LMO3: variants seen among roughly 807,000 people sequenced by gnomAD.
LMO3 encodes the protein LIM domain only 3.
LMO3 carries 2 observed loss-of-function variants against 15.8 expected under a neutral mutation model. That is an observed-to-expected ratio of 0.13 (90% confidence interval 0.05 to 0.40). The LOEUF (loss-of-function observed/expected upper bound fraction) is 0.40, where lower values mean the gene tolerates loss of function less well. Ranked by LOEUF, LMO3 falls within the 10% of genes least tolerant of loss-of-function variation. The pLI, the probability that LMO3 is intolerant of heterozygous loss-of-function variation, is 0.99. For missense variants in LMO3, 86 were observed against 182.2 expected, an observed-to-expected ratio of 0.47 and a Z score of 3.04; for synonymous variants, 62 against 63.8, an observed-to-expected ratio of 0.97 and a Z score of 0.13.
rs778430378 is a variant in LMO3 at position 16,587,302 on chromosome 12, G to A, written c.206+13353C>T. Reference sequence around the variant, plus strand: ...GGATCCAATGCTAACAATTTGTTACGCACTGCAGTGTTACAGCTTTCTAAA... The same window carrying A: ...GGATCCAATGCTAACAATTTGTTACACACTGCAGTGTTACAGCTTTCTAAA... On this transcript the variant is annotated intron_variant, in intron 2 of 3. Transcript: ENST00000537304. This position sits in a 1 kb window ranked among gnomAD's most constrained non-coding sequence, Gnocchi z 4.3. Among the ~76,000 whole-genome samples, 12 of 152,068 alleles carry A rather than the reference G, an allele frequency of 7.9e-5. No homozygotes were observed. Among genetic ancestry groups the A allele is most frequent in the East Asian group, 1.9e-4 (1 of 5,184 alleles).
rs759292982 is a variant in LMO3, at chr12:16,559,210, G to A, written c.332+1203C>T. Among the ~76,000 whole-genome samples, 7 of 152,022 alleles carry A rather than the reference G, an allele frequency of 4.6e-5. No homozygotes were observed. The highest frequency in any genetic ancestry group is 1.0e-4 in the Non-Finnish European group (7 of 67,990). ...TCATTTTCATTAAAATCTATCAAGT[G>A]TTCTAATTTTTGAAATGTTGTATTT... is the stretch of plus-strand genomic sequence containing the variant. On this transcript the variant is annotated intron_variant, in intron 3 of 3. Transcript: ENST00000537304. The surrounding 1 kb of genome is among the most constrained non-coding windows in gnomAD (Gnocchi z 4.1).
chr12:16,557,734 T>A (rs755703543), intron 3 of LMO3, among the ~76,000 whole-genome samples: 1 of 152,096 alleles, frequency 6.6e-6, no homozygotes, highest in Non-Finnish European at 1.5e-5. Flanking sequence ...TAAATTATTT[T>A]ATTGAAGTTT....
rs1369107468 is a variant in LMO3, at chr12:16,600,793, C to T, written c.68G>A (p.Arg23Gln). 9 of 1,614,066 alleles carry T rather than the reference C, an allele frequency of 5.6e-6. No individual in the cohort carries two copies. Among genetic ancestry groups the T allele is most frequent in the Non-Finnish European group, 7.6e-6 (9 of 1,179,998 alleles). Residue 23 changes from arginine to glutamine, a missense_variant, in exon 2 of 4, where the codon CGG (arginine) becomes CAG (glutamine). Arg to Gln is a conservative substitution (Grantham distance 43). Transcript: ENST00000537304. ...TTTGTCCAGTGCCTTTAGAAGATACCGGTCCTTGATCTTTCGGTTGCAGCC... is the reference window on the plus strand; with the variant it reads ...TTTGTCCAGTGCCTTTAGAAGATACTGGTCCTTGATCTTTCGGTTGCAGCC... ...CAGCNRKIKDRYLLKALDKYW... is the reference protein window; with the variant it reads ...CAGCNRKIKDQYLLKALDKYW...
intron 2 of LMO3, among the ~76,000 whole-genome samples, chr12:16,574,667 G>A (rs1396070375): frequency 6.6e-6 from 1 of 152,132 alleles, no homozygotes; most frequent in Non-Finnish European, 1.5e-5. Context: ...TCTGTGCTCT[G>A]TTAACTGCAA....
At chr12:16,567,539 A>G (rs1942660339) in intron 2 of LMO3, 2 of 152,312 alleles carry the variant, frequency 1.3e-5, no homozygotes, top group Non-Finnish European at 2.9e-5. Flanking sequence ...CAAGTAGAGA[A>G]CTGCGGGGAG....
intron 2 of LMO3, among the ~76,000 whole-genome samples, chr12:16,565,954 CAATGGATG>C (rs1294712256): frequency 3.3e-5 from 4 of 119,714 alleles, no homozygotes; most frequent in Admixed American, 1.1e-4. Flanking sequence ...ACATGCCCAT[CAATGGATG>C]AATGGATGAA....
Position 16,551,218 on chromosome 12 carries a change from T to C in LMO3, c.*4A>G. The C allele has an allele frequency of 1.3e-6, 2 of 1,558,594 alleles. No homozygotes were observed. Among genetic ancestry groups the C allele is most frequent in the East Asian group, 2.2e-5 (1 of 44,594 alleles). On this transcript the variant is annotated 3_prime_UTR_variant, in exon 4 of 4. Coordinates refer to ENST00000537304, the MANE Select transcript of LMO3 (RefSeq NM_018640.5). ...TGTATTCTTAATGGGGTGATGTTGATAGATCAGCGAACCTGGGGTGCATAA... is the reference window on the plus strand; with the variant it reads ...TGTATTCTTAATGGGGTGATGTTGACAGATCAGCGAACCTGGGGTGCATAA...
chr12:16,566,276 A>C (rs1375533834), intron 2 of LMO3, among the ~76,000 whole-genome samples: 1 of 151,488 alleles, frequency 6.6e-6, no homozygotes, highest in Non-Finnish European at 1.5e-5. Context: ...AAGGGGAGAG[A>C]TTGGTCAATG....
At chr12:16,592,621 T>C (rs1053999792) in intron 2 of LMO3, among the ~76,000 whole-genome samples, 8 of 151,988 alleles carry the variant, frequency 5.3e-5, no homozygotes, top group Admixed American at 3.9e-4. Context: ...TCCACTCATG[T>C]TACCAACTTT....
At chr12:16,564,799 A>G (rs1489819862) in intron 2 of LMO3, among the ~76,000 whole-genome samples, 1 of 152,136 alleles carries the variant, frequency 6.6e-6, no homozygotes, top group Non-Finnish European at 1.5e-5. Context: ...TTTAGAAGTT[A>G]TTTTATTTTA....
chr12:16,604,575 A>G lies in LMO3; in HGVS notation c.-9+1491T>C, dbSNP rs1224961734. On this transcript the variant is annotated intron_variant, in intron 1 of 3. Transcript: ENST00000537304. The surrounding 1 kb of genome is among the most constrained non-coding windows in gnomAD (Gnocchi z 5.3). The stretch of plus-strand genomic sequence containing the variant: ...CTCACATGCAAAATAAAAAAAAAAA[A>G]TAAGAAACATACATACACTCTAACA... The G allele has an allele frequency of 2.6e-6, 1 of 379,648 alleles. No homozygotes were observed. The highest frequency in any genetic ancestry group is 4.2e-5 in the Admixed American group (1 of 23,772). 23.5% of individuals were successfully genotyped at this position (379,648 alleles called of 1,614,324 possible). A position where few individuals can be genotyped will look rare whatever the true frequency, so the allele number is the denominator to read the frequency against.
rs539888284 is a variant in LMO3, at chr12:16,555,100, A to G, written c.333-3773T>C. 6.6e-6 allele frequency among the ~76,000 whole-genome samples: 1 copy of G among 152,364 alleles called. No individual in the cohort carries two copies. Among genetic ancestry groups the G allele is most frequent in the East Asian group, 1.9e-4 (1 of 5,192 alleles). ...TATGGGATATTTTGAGTATTAAACG[A>G]ATGAGTACATGTAAAACACTCAGAA... On this transcript the variant is annotated intron_variant, in intron 3 of 3. Coordinates refer to ENST00000537304, the MANE Select transcript of LMO3 (RefSeq NM_018640.5). This position sits in a 1 kb window ranked among gnomAD's most constrained non-coding sequence, Gnocchi z 5.5.
At chr12:16,592,449 A>G (rs1196824715) in intron 2 of LMO3, among the ~76,000 whole-genome samples, 1 of 152,046 alleles carries the variant, frequency 6.6e-6, no homozygotes, top group Admixed American at 6.6e-5. Context: ...TTCACATGCA[A>G]TATTTATAGA....
chr12:16,588,384 A>C (rs1057054762), intron 2 of LMO3, among the ~76,000 whole-genome samples: 1 of 152,038 alleles, frequency 6.6e-6, no homozygotes, highest in South Asian at 2.1e-4. Context: ...ACCTGAGAAA[A>C]AGATGCAAAA....
At chr12:16,572,706 T>C (rs1942857736) in intron 2 of LMO3, among the ~76,000 whole-genome samples, 2 of 148,010 alleles carry the variant, frequency 1.4e-5, no homozygotes, top group African/African-American at 4.9e-5. Context: ...ATATATTATA[T>C]ATAATTTAAA....
Position 16,584,595 on chromosome 12 carries a change from A to G in LMO3, c.206+16060T>C, listed in dbSNP as rs115400109. 0.048 allele frequency among the ~76,000 whole-genome samples: 7,317 copies of G among 152,180 alleles called. 346 individuals are homozygous for G. Among genetic ancestry groups the G allele is most frequent in the African/African-American group, 0.12 (5,045 of 41,498 alleles). On this transcript the variant is annotated intron_variant, in intron 2 of 3. Coordinates refer to ENST00000537304, the MANE Select transcript of LMO3 (RefSeq NM_018640.5). The surrounding 1 kb of genome is among the most constrained non-coding windows in gnomAD (Gnocchi z 5.2). ...TGGCAAGTGGAGGAGTGGGGGGGGT[A>G]AGAGGCCTGTTTAGAGGTGGATGGC...
Position 16,598,341 on chromosome 12 carries a change from A to C in LMO3, c.206+2314T>G, listed in dbSNP as rs1464059309. On this transcript the variant is annotated intron_variant, in intron 2 of 3. Transcript: ENST00000537304. The surrounding 1 kb of genome is among the most constrained non-coding windows in gnomAD (Gnocchi z 4.3). ...CCAAATAAGTCACATTATATACAAC[A>C]AACTTTCAGTTTAAATAAGGGACAA... 1 of 152,104 alleles carries C rather than the reference A, an allele frequency of 6.6e-6. No homozygotes were observed. The highest frequency in any genetic ancestry group is 2.4e-5 in the African/African-American group (1 of 41,448). 9.4% of individuals were successfully genotyped at this position (152,104 alleles called of 1,614,324 possible). A position where few individuals can be genotyped will look rare whatever the true frequency, so the allele number is the denominator to read the frequency against.
chr12:16,552,439 G>C (rs1316890404), intron 3 of LMO3, among the ~76,000 whole-genome samples: 1 of 152,024 alleles, frequency 6.6e-6, no homozygotes, highest in Admixed American at 6.6e-5. Context: ...TTAATGTTTT[G>C]TGAAGTTGAA....
At chr12:16,583,738 T>C (rs897505719) in intron 2 of LMO3, among the ~76,000 whole-genome samples, 2 of 152,182 alleles carry the variant, frequency 1.3e-5, no homozygotes, top group African/African-American at 2.4e-5. Flanking sequence ...AGCATACCCA[T>C]GGCAATTTGT....
Sources: gnomAD v4.1 joint callset for allele counts (sites outside exome capture counted in the v4.1 genomes callset) on GRCh38, gnomAD v4.1.1 for gene constraint, Gnocchi (gnomAD v3.1) non-coding constraint, MANE v1.5 for transcripts, NCBI Gene and HGNC (gene_info 2026-07-23, HGNC 2026-07-21) for gene names.